Variants in HIPK2 observed in about 807,000 individuals in gnomAD.
HIPK2 encodes the protein homeodomain interacting protein kinase 2.
A neutral mutation model predicts 113.7 loss-of-function variants in HIPK2; 27 were observed. The observed-to-expected ratio is 0.24, with a 90% CI of 0.17 to 0.33. HIPK2 has a LOEUF of 0.33. Ranked by LOEUF, HIPK2 falls within the 10% of genes least tolerant of loss-of-function variation. The pLI is 1.00. For missense variants in HIPK2, 1,257 were observed against 1,588.0 expected (o/e 0.79, Z 3.54); for synonymous variants, 631 against 642.2 (o/e 0.98, Z 0.26).
At chr7:139,583,760 A>C in intron 13 of HIPK2, 57 bp downstream of exon 13, 1 of 1,573,332 alleles carries the variant, frequency 6.4e-7, no homozygotes, top group Non-Finnish European at 8.6e-7. Flanking sequence ...AGCAGCAGAA[A>C]AGCAGGAAAA....
intron 2 of HIPK2, among the ~76,000 whole-genome samples, chr7:139,645,904 CAAG>C (rs1221254093): frequency 6.6e-6 from 1 of 152,136 alleles, no homozygotes; most frequent in African/African-American, 2.4e-5. Context: ...GAGTTAGGAA[CAAG>C]AAGATCTTGC....
rs547607160 is a variant in HIPK2 at position 139,692,480 on chromosome 7, A to C, written c.1103+23452T>G. ...CTAGACTTTCACAGCAATCCTACTA[A>C]GGGAGCAGGACAGGTTCTTTTCCTG... On this transcript the variant is annotated intron_variant, in intron 2 of 14. Coordinates refer to ENST00000406875, the MANE Select transcript of HIPK2 (RefSeq NM_022740.5). 8.5e-5 allele frequency among the ~76,000 whole-genome samples: 13 copies of C among 152,266 alleles called. No homozygotes were observed. In the South Asian group the frequency reaches 2.7e-3, roughly 32 times the overall value.
intron 2 of HIPK2, among the ~76,000 whole-genome samples, chr7:139,703,760 A>AC (rs1162888290): frequency 0.18 from 2,222 of 12,588 alleles, 75 homozygotes; most frequent in African/African-American, 0.35. Flanking sequence ...ACACACACAC[A>AC]CACCCACACA....
At position 139,707,821 on chromosome 7, in the gene HIPK2, G is replaced by A. The variant is rs530890234; in HGVS notation, c.1103+8111C>T. Among the ~76,000 whole-genome samples, 7 of 152,288 alleles carry A rather than the reference G, an allele frequency of 4.6e-5. No individual in the cohort carries two copies. In the South Asian group the frequency reaches 1.5e-3, roughly 32 times the overall value. On this transcript the variant is annotated intron_variant, in intron 2 of 14. Coordinates refer to ENST00000406875, the MANE Select transcript of HIPK2 (RefSeq NM_022740.5). ...TCAGCAGCTCCTTGGCAGTGAGTGC[G>A]CTATCCATCGTAAGTCATGCAGGAA...
At chr7:139,729,131 C>T (rs1585429503) in intron 1 of HIPK2, among the ~76,000 whole-genome samples, 1 of 152,098 alleles carries the variant, frequency 6.6e-6, no homozygotes, top group African/African-American at 2.4e-5. Flanking sequence ...CAAGACCAAC[C>T]TGGGCAACAT....
chr7:139,728,346 A>T (rs1391764561), intron 1 of HIPK2, among the ~76,000 whole-genome samples: 1 of 152,226 alleles, frequency 6.6e-6, no homozygotes, highest in Admixed American at 6.5e-5. Context: ...TGGGCAGCCT[A>T]AACAGCAGAC....
At chr7:139,600,982 C>T (rs957644931) in intron 10 of HIPK2, among the ~76,000 whole-genome samples, 2 of 152,142 alleles carry the variant, frequency 1.3e-5, no homozygotes, top group African/African-American at 2.4e-5. Flanking sequence ...GTGGCTCACA[C>T]CTGTAATCCC....
chr7:139,655,857 T>C (rs1801648845), intron 2 of HIPK2, among the ~76,000 whole-genome samples: 1 of 152,148 alleles, frequency 6.6e-6, no homozygotes, highest in African/African-American at 2.4e-5. Flanking sequence ...GAGGCCTATA[T>C]GATAATTGGA....
intron 13 of HIPK2, among the ~76,000 whole-genome samples, chr7:139,577,037 A>G (rs959848218): frequency 6.6e-6 from 1 of 152,024 alleles, no homozygotes; most frequent in Non-Finnish European, 1.5e-5. Flanking sequence ...TTCCAATCAA[A>G]TGCACCCAGA....
At position 139,572,968 on chromosome 7, in the gene HIPK2, GGTATCCAGT is replaced by G. The variant is rs758700639; in HGVS notation, c.3547_3555del (p.Thr1183_Tyr1185del). ...TGGTTGACCTTGGCGGGGCTCAGTG[GGTATCCAGT>G]GTAGACGGTGGAGGCTGGCGAGGCG... On this transcript the variant is annotated inframe_deletion, in exon 15 of 15. Coordinates refer to ENST00000406875, the MANE Select transcript of HIPK2 (RefSeq NM_022740.5). 1.3e-6 allele frequency: 2 copies of G among 1,596,864 alleles called. No homozygotes were observed. Among genetic ancestry groups the G allele is most frequent in the Non-Finnish European group, 1.7e-6 (2 of 1,171,612 alleles).
intron 1 of HIPK2, among the ~76,000 whole-genome samples, chr7:139,736,264 T>C (rs1202227901): frequency 6.6e-6 from 1 of 152,144 alleles, no homozygotes; most frequent in Admixed American, 6.5e-5. Context: ...ACCACGATAA[T>C]GTGGAAGCCA....
chr7:139,703,535 G>A (rs1794773072), intron 2 of HIPK2, among the ~76,000 whole-genome samples: 1 of 152,038 alleles, frequency 6.6e-6, no homozygotes, highest in Non-Finnish European at 1.5e-5. Context: ...TATGGCAAAC[G>A]TCCACATATA....
intron 6 of HIPK2, among the ~76,000 whole-genome samples, chr7:139,625,058 C>T (rs1800378855): frequency 1.3e-5 from 2 of 152,216 alleles, no homozygotes; most frequent in African/African-American, 4.8e-5. Context: ...ACAGGACTCC[C>T]TCAACTTTTC....
chr7:139,762,017 T>C (rs1796473615), intron 1 of HIPK2, among the ~76,000 whole-genome samples: 2 of 152,162 alleles, frequency 1.3e-5, no homozygotes, highest in African/African-American at 2.4e-5. Flanking sequence ...TTCCTTTAAT[T>C]AGAAAATGTT....
At chr7:139,680,650 G>A (rs971975297) in intron 2 of HIPK2, among the ~76,000 whole-genome samples, 2 of 152,238 alleles carry the variant, frequency 1.3e-5, no homozygotes, top group Non-Finnish European at 2.9e-5. Context: ...TAAAATTCAT[G>A]TTAAGATCGG....
chr7:139,727,765 C>A (rs1293097716), intron 1 of HIPK2, among the ~76,000 whole-genome samples: 1 of 152,152 alleles, frequency 6.6e-6, no homozygotes, highest in Non-Finnish European at 1.5e-5. Context: ...GACATGGTGT[C>A]AAGAGCTCAT....
rs1169268647 is a variant in HIPK2 at position 139,571,115 on chromosome 7, C to G, written c.*1812G>C. On this transcript the variant is annotated 3_prime_UTR_variant, in exon 15 of 15. Transcript: ENST00000406875. Reference sequence around the variant, plus strand: ...AAGTGTCCCTCCAACCTTCTGCCCACTAGAACCCTCAGAAACCAAAACCAA... The same window carrying G: ...AAGTGTCCCTCCAACCTTCTGCCCAGTAGAACCCTCAGAAACCAAAACCAA... The G allele has an allele frequency of 6.6e-6, 1 of 152,292 alleles. No individual in the cohort carries two copies. The highest frequency in any genetic ancestry group is 1.5e-5 in the Non-Finnish European group (1 of 68,092). The allele number at this position is 152,292 out of a possible 1,614,324, so 9.4% of individuals were successfully genotyped here.
chr7:139,690,785 G>C (rs1252376301), intron 2 of HIPK2, among the ~76,000 whole-genome samples: 1 of 152,198 alleles, frequency 6.6e-6, no homozygotes, highest in Non-Finnish European at 1.5e-5. Flanking sequence ...TCAGCCATGA[G>C]TGGGGGCAGC....
intron 2 of HIPK2, among the ~76,000 whole-genome samples, chr7:139,655,838 G>A (rs988945958): frequency 2.0e-5 from 3 of 152,180 alleles, no homozygotes; most frequent in Admixed American, 2.0e-4. Context: ...GGGTGGGGAG[G>A]CAAGTCAGGA....
Sources: allele counts gnomAD v4.1 joint callset (sites outside exome capture counted in the v4.1 genomes callset), GRCh38; gene constraint gnomAD v4.1.1; transcripts MANE v1.5; gene names NCBI Gene and HGNC (gene_info 2026-07-23, HGNC 2026-07-21).